Variants in ATOSA observed in about 807,000 individuals in gnomAD.
ATOSA encodes the protein atos homolog protein A.
the ATOSA span, chr15:52,658,116 A>C: frequency 5.3e-5 from 8 of 152,224 alleles, no homozygotes; most frequent in African/African-American, 1.9e-4. Flanking sequence ...GGACTTTGGA[A>C]GCACAATAGC....
chr15:52,701,415 G>T, the ATOSA span, among the ~76,000 whole-genome samples: 3 of 152,210 alleles, frequency 2.0e-5, no homozygotes, highest in East Asian at 5.8e-4. Flanking sequence ...CTCCAGCATG[G>T]GCAACAGAAT....
At chr15:52,678,596 C>A in the ATOSA span, 1 of 153,678 alleles carries the variant, frequency 6.5e-6, no homozygotes, top group Non-Finnish European at 1.4e-5. Flanking sequence ...TCTGGCTAGC[C>A]TTCCTGCGGC....
the ATOSA span, among the ~76,000 whole-genome samples, chr15:52,677,634 A>G: frequency 2.6e-5 from 4 of 152,244 alleles, no homozygotes; most frequent in Non-Finnish European, 5.9e-5. Context: ...TCAAGTTCAC[A>G]TTCAAGTTTA....
chr15:52,593,479 G>A, the ATOSA span: 1 of 1,174,462 alleles, frequency 8.5e-7, no homozygotes, highest in East Asian at 2.7e-5. Flanking sequence ...TCAGCTGTTA[G>A]GAAATGATTT....
At chr15:52,648,963 T>C in the ATOSA span, among the ~76,000 whole-genome samples, 10 of 152,122 alleles carry the variant, frequency 6.6e-5, no homozygotes, top group African/African-American at 1.4e-4. Flanking sequence ...AGTTTCTCAA[T>C]AGTCCTCATG....
chr15:52,666,008 A>C, the ATOSA span, among the ~76,000 whole-genome samples: 1 of 152,220 alleles, frequency 6.6e-6, no homozygotes, highest in Non-Finnish European at 1.5e-5. Context: ...ACGTACATTT[A>C]CAGACTAGAA....
chr15:52,584,779 C>T, the ATOSA span: 1 of 1,613,688 alleles, frequency 6.2e-7, no homozygotes, highest in Non-Finnish European at 8.5e-7. Context: ...AACCGTTCTT[C>T]TGTGTGTCGG....
chr15:52,691,930 G>C, the ATOSA span, among the ~76,000 whole-genome samples: 1 of 152,120 alleles, frequency 6.6e-6, no homozygotes, highest in Non-Finnish European at 1.5e-5. Context: ...AGAAGAGTTT[G>C]AGAAAGTTCT....
chr15:52,684,326 G>C, the ATOSA span, among the ~76,000 whole-genome samples: 3 of 152,156 alleles, frequency 2.0e-5, no homozygotes, highest in Non-Finnish European at 2.9e-5. Context: ...CTTGAGGTCA[G>C]GAATTCGAGA....
chr15:52,595,953 T>A, the ATOSA span, among the ~76,000 whole-genome samples: 1 of 151,928 alleles, frequency 6.6e-6, no homozygotes, highest in Non-Finnish European at 1.5e-5. Flanking sequence ...TCTACAAAAA[T>A]TTTTTAAAAA....
chr15:52,604,594 G>GTA, the ATOSA span, among the ~76,000 whole-genome samples: 1 of 152,086 alleles, frequency 6.6e-6, no homozygotes, highest in African/African-American at 2.4e-5. Context: ...CAACACTAAG[G>GTA]TAGACATTAT....
chr15:52,605,050 CA>C, the ATOSA span: 2 of 925,590 alleles, frequency 2.2e-6, no homozygotes, highest in South Asian at 1.8e-5. Flanking sequence ...AAATTTTTTT[CA>C]ATTAAAATTT....
At chr15:52,592,643 TAAC>T in the ATOSA span, among the ~76,000 whole-genome samples, 1 of 152,112 alleles carries the variant, frequency 6.6e-6, no homozygotes, top group Non-Finnish European at 1.5e-5. Context: ...ATACTAACAC[TAAC>T]AATAGCTGAT....
the ATOSA span, among the ~76,000 whole-genome samples, chr15:52,655,536 ATCCT>A: frequency 6.6e-6 from 1 of 152,130 alleles, no homozygotes; most frequent in African/African-American, 2.4e-5. Context: ...TCTGGCCCAA[ATCCT>A]AGCTCTGATC....
At chr15:52,683,327 T>C in the ATOSA span, among the ~76,000 whole-genome samples, 3 of 152,258 alleles carry the variant, frequency 2.0e-5, no homozygotes, top group Non-Finnish European at 4.4e-5. Context: ...AGCCGCTTCC[T>C]GAATGGACTC....
At chr15:52,623,391 A>G in the ATOSA span, among the ~76,000 whole-genome samples, 2 of 152,094 alleles carry the variant, frequency 1.3e-5, no homozygotes, top group Non-Finnish European at 2.9e-5. Flanking sequence ...GGAGGTTATT[A>G]TAGTTGTCCA....
the ATOSA span, among the ~76,000 whole-genome samples, chr15:52,665,075 T>C: frequency 6.6e-6 from 1 of 152,052 alleles, no homozygotes; most frequent in African/African-American, 2.4e-5. Context: ...TACATGGACA[T>C]AGAAGTGGGA....
chr15:52,643,132 T>C, the ATOSA span, among the ~76,000 whole-genome samples: 1 of 152,186 alleles, frequency 6.6e-6, no homozygotes, highest in Non-Finnish European at 1.5e-5. Context: ...ATAGCAGGCC[T>C]TATAAAGACG....
the ATOSA span, among the ~76,000 whole-genome samples, chr15:52,691,835 A>AAAAT: frequency 5.2e-5 from 7 of 134,954 alleles, no homozygotes; most frequent in South Asian, 2.5e-4. Context: ...ACCTGTGTCA[A>AAAAT]AAATAAATAA....
Sources: allele counts gnomAD v4.1 joint callset (sites outside exome capture counted in the v4.1 genomes callset), GRCh38; gene constraint gnomAD v4.1.1; transcripts MANE v1.5; gene names NCBI Gene and HGNC (gene_info 2026-07-23, HGNC 2026-07-21).